PLXNC1: variants seen among roughly 807,000 people sequenced by gnomAD.
The protein encoded by PLXNC1 is plexin-C1.
PLXNC1 carries 75 observed loss-of-function variants against 178.2 expected under a neutral mutation model. The observed-to-expected ratio is 0.42, with a 90% CI of 0.35 to 0.51. The LOEUF (loss-of-function observed/expected upper bound fraction) is 0.51. Ranked by LOEUF, PLXNC1 falls within the 20% of genes least tolerant of loss-of-function variation. The pLI, the probability that PLXNC1 is intolerant of heterozygous loss-of-function variation, is 0.02. For missense variants in PLXNC1, 1,503 were observed against 1,984.4 expected (o/e 0.76, Z 4.61); for synonymous variants, 790 against 779.9 (o/e 1.01, Z -0.22).
At position 94,306,972 on chromosome 12, in the gene PLXNC1, A is replaced by C. The variant is rs1019130103; in HGVS notation, c.*1687A>C. On this transcript the variant is annotated 3_prime_UTR_variant, in exon 31 of 31. Coordinates refer to ENST00000258526, the MANE Select transcript of PLXNC1 (RefSeq NM_005761.3). Reference sequence around the variant, plus strand: ...TTGAAGGCTGCTACAGTCTTCAAAGAGGTGAAGGAGTTCATAAGAGAACAA... The same window carrying C: ...TTGAAGGCTGCTACAGTCTTCAAAGCGGTGAAGGAGTTCATAAGAGAACAA... 2 of 152,228 alleles carry C rather than the reference A, an allele frequency of 1.3e-5. No homozygotes were observed. Among genetic ancestry groups the C allele is most frequent in the Non-Finnish European group, 2.9e-5 (2 of 68,042 alleles). 9.4% of individuals were successfully genotyped at this position (152,228 alleles called of 1,614,324 possible).
chr12:94,264,209 CAG>C (rs1287255312), intron 20 of PLXNC1, among the ~76,000 whole-genome samples: 2 of 152,104 alleles, frequency 1.3e-5, no homozygotes, highest in African/African-American at 2.4e-5. Flanking sequence ...GCCGTGGAAA[CAG>C]AACACACCGC....
intron 23 of PLXNC1, among the ~76,000 whole-genome samples, chr12:94,292,242 T>C (rs748080659): frequency 1.3e-5 from 2 of 152,104 alleles, no homozygotes; most frequent in Non-Finnish European, 2.9e-5. Flanking sequence ...ACAGGCAAAA[T>C]TCATAAATGG....
chr12:94,258,888 C>G (rs891471526), intron 17 of PLXNC1, among the ~76,000 whole-genome samples: 1 of 152,224 alleles, frequency 6.6e-6, no homozygotes, highest in African/African-American at 2.4e-5. Flanking sequence ...TAACTACCCC[C>G]TGTCTTTCAA....
chr12:94,203,364 CAGAG>C (rs1439415510), intron 4 of PLXNC1, among the ~76,000 whole-genome samples: 1 of 152,198 alleles, frequency 6.6e-6, no homozygotes. Flanking sequence ...AGTCCTGCAG[CAGAG>C]AGACTTGTTT....
intron 4 of PLXNC1, among the ~76,000 whole-genome samples, chr12:94,191,050 G>A (rs1565802071): frequency 6.6e-6 from 1 of 152,194 alleles, no homozygotes; most frequent in Non-Finnish European, 1.5e-5. Context: ...TTATTGAAAT[G>A]TGCTCAGAAA....
chr12:94,176,792 T>C (rs898214603), intron 2 of PLXNC1, among the ~76,000 whole-genome samples: 5 of 151,956 alleles, frequency 3.3e-5, no homozygotes, highest in African/African-American at 7.3e-5. Context: ...TGTTGAAACA[T>C]AAAACACAGT....
At chr12:94,303,714 C>CT in intron 28 of PLXNC1, 42 bp from the exon 29 acceptor site, 1 of 605,174 alleles carries the variant, frequency 1.7e-6, no homozygotes, top group South Asian at 3.8e-5. Context: ...TTTTTTTTTA[C>CT]TCTTTTGGTG....
intron 3 of PLXNC1, among the ~76,000 whole-genome samples, chr12:94,185,496 C>G (rs1962476246): frequency 6.6e-6 from 1 of 152,230 alleles, no homozygotes; most frequent in Admixed American, 6.5e-5. Flanking sequence ...CCCTGCCTCT[C>G]ACCGCCCTAC....
At chr12:94,201,915 C>T (rs1432909127) in intron 4 of PLXNC1, among the ~76,000 whole-genome samples, 1 of 151,788 alleles carries the variant, frequency 6.6e-6, no homozygotes, top group Non-Finnish European at 1.5e-5. Context: ...TACAGGAATG[C>T]ACCACCTCGC....
chr12:94,248,156 G>C (rs370913564), intron 13 of PLXNC1, 50 bp downstream of exon 13: 18 of 1,598,842 alleles, frequency 1.1e-5, no homozygotes, highest in Non-Finnish European at 1.5e-5. Flanking sequence ...CCCTTGACTG[G>C]AAAGGTGTGT....
chr12:94,248,258 A>C lies in PLXNC1; in HGVS notation c.2624A>C (p.Lys875Thr). The C allele has an allele frequency of 6.2e-7, 1 of 1,609,376 alleles. No individual in the cohort carries two copies. Among genetic ancestry groups the C allele is most frequent in the Non-Finnish European group, 8.5e-7 (1 of 1,178,582 alleles). ...KENDNFNISK[K>T]DIEITLFHGE... The stretch of plus-strand genomic sequence containing the variant: ...AATGACAACTTCAACATTTCCAAAA[A>C]AGACATTGAAATTACTCTCTTCCAT... Residue 875 changes from lysine (K) to threonine (T), a missense_variant, in exon 14 of 31, where the codon AAA becomes ACA. Lys to Thr is a moderately conservative substitution (Grantham distance 78). Around this residue, in one of 4 missense-constraint regions of PLXNC1, gnomAD observed 639 missense variants for 979.7 expected, o/e 0.65. Coordinates refer to ENST00000258526, the MANE Select transcript of PLXNC1 (RefSeq NM_005761.3).
chr12:94,231,896 T>C (rs9943825), intron 9 of PLXNC1, among the ~76,000 whole-genome samples: 14,333 of 152,184 alleles, frequency 0.094, 821 homozygotes, highest in African/African-American at 0.15. Flanking sequence ...CCAGAGATAG[T>C]TCCCCTCTCT....
chr12:94,152,969 A>T (rs1045095955), intron 1 of PLXNC1, among the ~76,000 whole-genome samples: 3 of 152,246 alleles, frequency 2.0e-5, no homozygotes, highest in Non-Finnish European at 4.4e-5. Flanking sequence ...CACTTTCATA[A>T]CTGTAGCAGG....
Position 94,300,943 on chromosome 12 carries a change from G to C in PLXNC1, c.4272G>C (p.Lys1424Asn). 1 of 1,613,400 alleles carries C rather than the reference G, an allele frequency of 6.2e-7. No homozygotes were observed. The highest frequency in any genetic ancestry group is 2.2e-5 in the East Asian group (1 of 44,860). Residue 1424 changes from lysine to asparagine, a missense_variant, in exon 28 of 31, where the codon AAG becomes AAC. Coordinates refer to ENST00000258526, the MANE Select transcript of PLXNC1 (RefSeq NM_005761.3). ...TTCGCTTCTGGGTAAACATCCTGAA[G>C]AACCCTCAGTTTGTCTTTGACATTA... ...LPLRFWVNILKNPQFVFDIKK... is the reference protein window; with the variant it reads ...LPLRFWVNILNNPQFVFDIKK...
chr12:94,267,672 T>C (rs527766245), intron 21 of PLXNC1, among the ~76,000 whole-genome samples: 2 of 152,320 alleles, frequency 1.3e-5, no homozygotes, highest in African/African-American at 4.8e-5. Context: ...CCTTTCATGG[T>C]TGGCAGTTGT....
chr12:94,259,517 C>T, intron 18 of PLXNC1, 93 bp from the exon 19 acceptor site: 1 of 1,157,330 alleles, frequency 8.6e-7, no homozygotes, highest in Non-Finnish European at 1.2e-6. Flanking sequence ...TTGAATAATT[C>T]ATTGTCTTGG....
At chr12:94,235,124 A>G (rs917416118) in intron 9 of PLXNC1, among the ~76,000 whole-genome samples, 2 of 152,178 alleles carry the variant, frequency 1.3e-5, no homozygotes, top group African/African-American at 4.8e-5. Flanking sequence ...TTAAAAGCAG[A>G]CTGAAGCACC....
At chr12:94,191,751 CAG>C (rs1962732668) in intron 4 of PLXNC1, among the ~76,000 whole-genome samples, 1 of 139,008 alleles carries the variant, frequency 7.2e-6, no homozygotes, top group African/African-American at 2.6e-5. Context: ...GCCTGGGTGA[CAG>C]AGTGAAACTC....
intron 17 of PLXNC1, among the ~76,000 whole-genome samples, chr12:94,257,764 A>G (rs189566230): frequency 0.017 from 2,648 of 152,162 alleles, 37 homozygotes; most frequent in Non-Finnish European, 0.022. Flanking sequence ...AAAATTAGCC[A>G]GGCATGGTGG....
Sources: allele counts gnomAD v4.1 joint callset (sites outside exome capture counted in the v4.1 genomes callset), GRCh38; gene constraint gnomAD v4.1.1; regional missense constraint gnomAD v4.1.1; transcripts MANE v1.5; gene names NCBI Gene and HGNC (gene_info 2026-07-23, HGNC 2026-07-21).